The following AUTS2 variants were observed in gnomAD, a reference collection of about 807,000 sequenced individuals.
AUTS2 encodes activator of transcription and developmental regulator AUTS2, also known as autism susceptibility gene 2 protein.
In AUTS2, 17 loss-of-function variants were observed where a neutral mutation model predicts 112.4. The observed-to-expected ratio is 0.15, with a 90% confidence interval of 0.10 to 0.23. AUTS2 has a LOEUF of 0.23. Among genes scored for constraint, AUTS2 ranks in the 10% least tolerant of loss-of-function variants. The probability of loss-of-function intolerance (pLI) is 1.00; values close to 1 mark genes in which losing one functional copy is unlikely to be tolerated. For missense variants in AUTS2, 1,510 were observed against 1,701.6 expected (o/e 0.89, Z 1.98); for synonymous variants, 751 against 702.7 (o/e 1.07, Z -1.09).
At chr7:69,947,522 A>C (rs1177346740) in intron 2 of AUTS2, among the ~76,000 whole-genome samples, 1 of 152,214 alleles carries the variant, frequency 6.6e-6, no homozygotes, top group Non-Finnish European at 1.5e-5. Flanking sequence ...CGTGGAATTC[A>C]TTTATTAAAA....
intron 4 of AUTS2, among the ~76,000 whole-genome samples, chr7:70,338,486 G>C (rs1791097144): frequency 6.6e-6 from 1 of 152,194 alleles, no homozygotes; most frequent in Non-Finnish European, 1.5e-5. Context: ...GGAAAATTTA[G>C]TGAAAAGATC....
chr7:69,922,510 G>GTAA (rs1421051213), intron 2 of AUTS2, among the ~76,000 whole-genome samples: 3 of 152,180 alleles, frequency 2.0e-5, no homozygotes, highest in African/African-American at 4.8e-5. Flanking sequence ...GATACATACA[G>GTAA]TAAGTATAAA....
intron 4 of AUTS2, among the ~76,000 whole-genome samples, chr7:70,378,840 A>G (rs1793236216): frequency 6.6e-6 from 1 of 152,248 alleles, no homozygotes; most frequent in Non-Finnish European, 1.5e-5. Context: ...GAGTATTAAC[A>G]GTAAATCCTA....
rs113570378 is a variant in AUTS2 at position 70,113,058 on chromosome 7, G to A, written c.523-5074G>A. On this transcript the variant is annotated intron_variant, in intron 2 of 18. Transcript: ENST00000342771. ...GTTATTTAAAACACTTTCTCTAGCT[G>A]TTGTAGATGATAACAAAAGAACCTT... 1.6e-3 allele frequency among the ~76,000 whole-genome samples: 245 copies of A among 152,170 alleles called. 6 individuals carry two copies. Among genetic ancestry groups the A allele is most frequent in the African/African-American group, 5.6e-3 (231 of 41,542 alleles).
chr7:69,735,292 G>A (rs1322383942), intron 1 of AUTS2, among the ~76,000 whole-genome samples: 1 of 152,142 alleles, frequency 6.6e-6, no homozygotes, highest in Non-Finnish European at 1.5e-5. Flanking sequence ...TATCAGACCT[G>A]GTTATGAAAG....
At chr7:70,504,041 T>C (rs1359680346) in intron 5 of AUTS2, among the ~76,000 whole-genome samples, 1 of 138,720 alleles carries the variant, frequency 7.2e-6, no homozygotes, top group East Asian at 1.9e-4. Context: ...AGAATTTCAT[T>C]AATAAGTCAT....
intron 5 of AUTS2, among the ~76,000 whole-genome samples, chr7:70,586,409 GAAGC>G (rs1219657946): frequency 7.1e-6 from 1 of 141,686 alleles, no homozygotes; most frequent in Non-Finnish European, 1.6e-5. Context: ...AATTTAAAAA[GAAGC>G]AAGCAGGCCT....
At chr7:69,834,225 A>G (rs1252831259) in intron 1 of AUTS2, among the ~76,000 whole-genome samples, 1 of 152,200 alleles carries the variant, frequency 6.6e-6, no homozygotes, top group Admixed American at 6.6e-5. Flanking sequence ...ACAGTCCAAC[A>G]GACTGTTACC....
chr7:69,914,396 A>ACACACAC (rs1554403946), intron 2 of AUTS2, among the ~76,000 whole-genome samples: 1 of 108,664 alleles, frequency 9.2e-6, no homozygotes, highest in African/African-American at 3.9e-5. Flanking sequence ...CACACACACA[A>ACACACAC]ACAATCCAGA....
chr7:70,365,650 C>T (rs1211661212), intron 4 of AUTS2, among the ~76,000 whole-genome samples: 2 of 152,192 alleles, frequency 1.3e-5, no homozygotes, highest in Non-Finnish European at 2.9e-5. Context: ...ACACTATTGT[C>T]TGGTAATTGA....
At chr7:70,341,788 T>C (rs1791275003) in intron 4 of AUTS2, among the ~76,000 whole-genome samples, 1 of 152,246 alleles carries the variant, frequency 6.6e-6, no homozygotes. Context: ...ACTGATTATT[T>C]GAACGGTAAG....
chr7:70,686,890 C>T (rs1808500481), intron 5 of AUTS2, among the ~76,000 whole-genome samples: 1 of 152,172 alleles, frequency 6.6e-6, no homozygotes, highest in Non-Finnish European at 1.5e-5. Context: ...TCGAATTTAG[C>T]AGTGGGGAGT....
At chr7:69,763,274 C>T (rs902881979) in intron 1 of AUTS2, among the ~76,000 whole-genome samples, 2 of 152,102 alleles carry the variant, frequency 1.3e-5, no homozygotes, top group East Asian at 1.9e-4. Context: ...CTCAATGATG[C>T]GTTGAGGATG....
chr7:70,247,433 A>T (rs1812983443), intron 4 of AUTS2, among the ~76,000 whole-genome samples: 1 of 152,122 alleles, frequency 6.6e-6, no homozygotes, highest in Non-Finnish European at 1.5e-5. Context: ...AAATTTCTGG[A>T]GCTGGATGGT....
chr7:70,651,347 GA>G (rs1806496528), intron 5 of AUTS2, among the ~76,000 whole-genome samples: 1 of 152,180 alleles, frequency 6.6e-6, no homozygotes, highest in Non-Finnish European at 1.5e-5. Flanking sequence ...ACGAAACTGG[GA>G]AACCCAGGGT....
chr7:70,422,908 A>C (rs141554711), intron 4 of AUTS2, among the ~76,000 whole-genome samples: 50 of 152,054 alleles, frequency 3.3e-4, no homozygotes, highest in Non-Finnish European at 6.0e-4. Context: ...TCTCCATGCT[A>C]CCTTCCCTCA....
chr7:69,701,670 G>A (rs1365011919), intron 1 of AUTS2, among the ~76,000 whole-genome samples: 5 of 152,220 alleles, frequency 3.3e-5, no homozygotes, highest in Admixed American at 3.3e-4. Flanking sequence ...CAGCATTGAT[G>A]CTAATTAGCA....
In AUTS2 at chr7:70,407,081, CA is replaced by C. The variant is rs369333256; in HGVS notation, c.661-28670del. On this transcript the variant is annotated intron_variant, in intron 4 of 18. Coordinates refer to ENST00000342771, the MANE Select transcript of AUTS2 (RefSeq NM_015570.4). The stretch of plus-strand genomic sequence containing the variant: ...GGAAAATCCAGGCACCGATTAAGCT[CA>C]GTTATAACTCCCATGTTATGCAGAG... 1.7e-3 allele frequency among the ~76,000 whole-genome samples: 266 copies of C among 152,264 alleles called. 1 individual carries two copies. Among genetic ancestry groups the C allele is most frequent in the African/African-American group, 6.1e-3 (253 of 41,558 alleles).
At chr7:70,605,737 T>C (rs888994954) in intron 5 of AUTS2, among the ~76,000 whole-genome samples, 2 of 152,172 alleles carry the variant, frequency 1.3e-5, no homozygotes, top group East Asian at 1.9e-4. Context: ...CAATTAAACA[T>C]TGTATTAGCG....
Sources: gnomAD v4.1 joint callset for allele counts (sites outside exome capture counted in the v4.1 genomes callset) on GRCh38, gnomAD v4.1.1 for gene constraint, MANE v1.5 for transcripts, NCBI Gene and HGNC (gene_info 2026-07-23, HGNC 2026-07-21) for gene names.